PFKP: variants seen among roughly 807,000 people sequenced by gnomAD.
PFKP encodes ATP-dependent 6-phosphofructokinase, platelet type.
PFKP carries 101 observed loss-of-function variants against 94.3 expected under a neutral mutation model. The ratio of observed to expected loss-of-function variants is 1.07; its 90% CI spans 0.91 to 1.26. The LOEUF is 1.26. Among genes scored for constraint, PFKP ranks in the 50% most tolerant of loss-of-function variants. The probability of loss-of-function intolerance (pLI) is 0.00; values close to 1 mark genes in which losing one functional copy is unlikely to be tolerated. For missense variants in PFKP, 1,145 were observed against 1,103.3 expected (o/e 1.04, Z -0.53); for synonymous variants, 573 against 432.6 (o/e 1.32, Z -4.03).
chr10:3,095,469 C>T (rs978823326), intron 2 of PFKP, among the ~76,000 whole-genome samples: 6 of 152,106 alleles, frequency 3.9e-5, no homozygotes, highest in Non-Finnish European at 5.9e-5. Flanking sequence ...AAATTCTGTC[C>T]GACGATGGAT....
At position 3,113,678 on chromosome 10, in the gene PFKP, C is replaced by T. The variant is rs532079452; in HGVS notation, c.1371+160C>T. The stretch of plus-strand genomic sequence containing the variant: ...AAGCATTGCTTCTGGAGTAAAATCT[C>T]ACCCTAAGGTAGGTTTCAGGCCCTC... On this transcript the variant is annotated intron_variant, in intron 13 of 21. Transcript: ENST00000381125. Among the ~76,000 whole-genome samples, 4 of 64,964 alleles carry T rather than the reference C, an allele frequency of 6.2e-5. No homozygotes were observed. The East Asian group carries it at 2.1e-3, about 34-fold the overall frequency. The allele number at this position is 64,964 out of a possible 152,430, so 42.6% of individuals were successfully genotyped here. A position where few individuals can be genotyped will look rare whatever the true frequency, so the allele number is the denominator to read the frequency against.
At chr10:3,109,594 C>A in intron 10 of PFKP, 114 bp downstream of exon 10, 1 of 1,312,080 alleles carries the variant, frequency 7.6e-7, no homozygotes, top group Non-Finnish European at 1.0e-6. Flanking sequence ...CATTACACGG[C>A]CTTTCTGAGA....
At chr10:3,099,450 A>G in intron 3 of PFKP, 98 bp downstream of exon 3, 1 of 938,420 alleles carries the variant, frequency 1.1e-6, no homozygotes, top group Non-Finnish European at 1.7e-6. Context: ...GTTGCGAAAT[A>G]GAGATTATGT....
intron 16 of PFKP, among the ~76,000 whole-genome samples, chr10:3,126,076 G>A (rs559979451): frequency 5.9e-5 from 9 of 152,268 alleles, no homozygotes; most frequent in East Asian, 5.8e-4. Context: ...AGCCAGCTCC[G>A]GAGTTTGCAG....
At chr10:3,087,409 G>A (rs1234828744) in intron 2 of PFKP, among the ~76,000 whole-genome samples, 2 of 152,162 alleles carry the variant, frequency 1.3e-5, no homozygotes, top group Non-Finnish European at 2.9e-5. Context: ...CGGGGACAGC[G>A]CCTCTTCCTG....
At chr10:3,100,056 G>GTGT (rs376262163) in intron 3 of PFKP, among the ~76,000 whole-genome samples, 2 of 137,744 alleles carry the variant, frequency 1.5e-5, no homozygotes, top group South Asian at 2.2e-4. Flanking sequence ...GTAGGTGTGT[G>GTGT]GTGTGTGTGT....
chr10:3,100,011 T>C (rs1441940547), intron 3 of PFKP, among the ~76,000 whole-genome samples: 1 of 151,448 alleles, frequency 6.6e-6, no homozygotes, highest in East Asian at 1.9e-4. Context: ...TGTATCTGTG[T>C]GTGGGGTGTG....
intron 2 of PFKP, among the ~76,000 whole-genome samples, chr10:3,096,779 C>T (rs932466845): frequency 6.6e-6 from 1 of 151,652 alleles, no homozygotes; most frequent in Non-Finnish European, 1.5e-5. Flanking sequence ...AAGCATAATT[C>T]TTAGCAGAAA....
chr10:3,071,439 T>G (rs1564254678), intron 1 of PFKP, among the ~76,000 whole-genome samples: 1 of 121,884 alleles, frequency 8.2e-6, no homozygotes, highest in Non-Finnish European at 2.0e-5. Flanking sequence ...TTTTTTTTTT[T>G]TTTTTTTTTT....
intron 17 of PFKP, among the ~76,000 whole-genome samples, chr10:3,131,002 A>T (rs1838512028): frequency 6.6e-6 from 1 of 152,026 alleles, no homozygotes; most frequent in African/African-American, 2.4e-5. Context: ...CTGCATCATG[A>T]TGTTTCTGTC....
chr10:3,073,830 TTTTG>T (rs955432115), intron 1 of PFKP, among the ~76,000 whole-genome samples: 28 of 150,692 alleles, frequency 1.9e-4, no homozygotes, highest in South Asian at 8.3e-4. Flanking sequence ...TGTGTGTTTT[TTTTG>T]TTTGTTTGTT....
chr10:3,092,127 G>C (rs10903960), intron 2 of PFKP, among the ~76,000 whole-genome samples: 1 of 151,668 alleles, frequency 6.6e-6, no homozygotes, highest in Non-Finnish European at 1.5e-5. Flanking sequence ...TCAGGTGCCC[G>C]AGGGTCTCCA....
At chr10:3,071,444 T>TG (rs1321197117) in intron 1 of PFKP, among the ~76,000 whole-genome samples, 1 of 141,224 alleles carries the variant, frequency 7.1e-6, no homozygotes, top group Non-Finnish European at 1.6e-5. Flanking sequence ...TTTTTTTTTT[T>TG]TTTTTCTTTC....
Position 3,136,704 on chromosome 10 carries a change from T to G in PFKP, c.*125T>G. The G allele has an allele frequency of 1.0e-6, 1 of 953,434 alleles. No homozygotes were observed. Among genetic ancestry groups the G allele is most frequent in the South Asian group, 1.6e-5 (1 of 62,932 alleles). 59.1% of individuals were successfully genotyped at this position (953,434 alleles called of 1,614,324 possible). On this transcript the variant is annotated 3_prime_UTR_variant, in exon 22 of 22. Coordinates refer to ENST00000381125, the MANE Select transcript of PFKP (RefSeq NM_002627.5). ...AATACCTAATCGGCGAGTGCCCATC[T>G]GCCCCACCTGCTCCAGTGCGTGCTG... is the stretch of plus-strand genomic sequence containing the variant.
At chr10:3,068,907 C>G (rs1831951458) in intron 1 of PFKP, among the ~76,000 whole-genome samples, 1 of 152,162 alleles carries the variant, frequency 6.6e-6, no homozygotes, top group Admixed American at 6.5e-5. Context: ...GTTTCGGGGC[C>G]GCGCACTGCA....
intron 17 of PFKP, among the ~76,000 whole-genome samples, chr10:3,131,312 C>G (rs1838560483): frequency 6.6e-6 from 1 of 152,036 alleles, no homozygotes. Flanking sequence ...TTGCGCAAGG[C>G]TTAAGTCACC....
intron 4 of PFKP, among the ~76,000 whole-genome samples, chr10:3,101,943 C>T (rs183535546): frequency 3.0e-4 from 45 of 152,280 alleles, no homozygotes; most frequent in East Asian, 3.9e-4. Flanking sequence ...CCCTCCAGCT[C>T]GCTGGGGTCC....
At chr10:3,132,801 A>G (rs1838746816) in intron 18 of PFKP, among the ~76,000 whole-genome samples, 1 of 152,104 alleles carries the variant, frequency 6.6e-6, no homozygotes, top group African/African-American at 2.4e-5. Context: ...CCCCCTGTAT[A>G]CACGAGGTTG....
intron 2 of PFKP, among the ~76,000 whole-genome samples, chr10:3,094,828 A>C (rs1056472891): frequency 2.0e-5 from 3 of 152,208 alleles, no homozygotes; most frequent in African/African-American, 7.2e-5. Flanking sequence ...TTGTAGCTTT[A>C]GGTTCTGTGG....
Sources: allele counts gnomAD v4.1 joint callset (sites outside exome capture counted in the v4.1 genomes callset), GRCh38; gene constraint gnomAD v4.1.1; transcripts MANE v1.5; gene names NCBI Gene and HGNC (gene_info 2026-07-23, HGNC 2026-07-21).